The following FAM227A variants were observed in gnomAD, a reference collection of about 807,000 sequenced individuals.
The protein encoded by FAM227A is protein FAM227A.
FAM227A carries 80 observed loss-of-function variants against 74.7 expected under a neutral mutation model. That is an observed-to-expected ratio of 1.07 (90% CI 0.89 to 1.29). FAM227A has a LOEUF of 1.29. FAM227A is among the 50% of genes most tolerant of loss of function. FAM227A has a pLI of 0.00. For synonymous variants in FAM227A, 237 were observed against 241.8 expected (o/e 0.98, Z 0.19); for missense variants, 654 against 683.4 (o/e 0.96, Z 0.48).
intron 11 of FAM227A, among the ~76,000 whole-genome samples, chr22:38,618,750 T>C (rs930483879): frequency 6.6e-6 from 1 of 152,150 alleles, no homozygotes; most frequent in African/African-American, 2.4e-5. Flanking sequence ...GCAAACTTTT[T>C]CTGCAAAAAG....
rs2090700091 is a variant in FAM227A, at chr22:38,580,795, CTT to C, written c.*5328_*5329del. On this transcript the variant is annotated 3_prime_UTR_variant, in exon 17 of 17. Coordinates refer to ENST00000535113, the MANE Select transcript of FAM227A (RefSeq NM_001013647.2). ...CCTCCTTTCCCCTTTCCTTTTTTAT[CTT>C]TGAGACAGTCTCACTCCATCACCTA... 6.6e-6 allele frequency: 1 copy of C among 151,900 alleles called. No homozygotes were observed. The highest frequency in any genetic ancestry group is 2.4e-5 in the African/African-American group (1 of 41,334). 9.4% of individuals were successfully genotyped at this position (151,900 alleles called of 1,614,324 possible).
rs779397566 is a variant in FAM227A, at chr22:38,645,576, G to T, written c.212C>A (p.Ser71Ter). 6.4e-7 allele frequency: 1 copy of T among 1,551,158 alleles called. No individual in the cohort carries two copies. The highest frequency in any genetic ancestry group is 8.7e-7 in the Non-Finnish European group (1 of 1,146,650). Residue 71 changes from serine to a stop codon, truncating the protein, a stop_gained, in exon 3 of 17, where the codon TCG becomes TAG. Transcript: ENST00000535113. LOFTEE classifies it high-confidence loss of function. ...IADINLRTEP[S>*]ANSLAIERFE... ...TAGGTAACTCACCAGGCTGTTGGCC[G>T]ACGGCTCGGTACGCAGATTTATGTC...
At chr22:38,610,915 C>T (rs977240164) in intron 11 of FAM227A, among the ~76,000 whole-genome samples, 4 of 151,904 alleles carry the variant, frequency 2.6e-5, no homozygotes, top group African/African-American at 4.8e-5. Context: ...CAAAAATTAG[C>T]GGGGAGTGGT....
intron 11 of FAM227A, among the ~76,000 whole-genome samples, chr22:38,610,445 G>A (rs1304422057): frequency 2.0e-5 from 3 of 152,214 alleles, no homozygotes; most frequent in South Asian, 2.1e-4. Flanking sequence ...GAGGCAGCTT[G>A]CTGATGCAGA....
intron 6 of FAM227A, 110 bp from the exon 7 acceptor site, chr22:38,629,045 GCC>G (rs2091865606): frequency 7.7e-6 from 5 of 648,530 alleles, no homozygotes; most frequent in Non-Finnish European, 1.3e-5. Context: ...TGTTAGTGAG[GCC>G]CTACCCAGGT....
chr22:38,613,243 A>G (rs1377944133), intron 11 of FAM227A, among the ~76,000 whole-genome samples: 1 of 83,256 alleles, frequency 1.2e-5, no homozygotes, highest in African/African-American at 5.0e-5. Context: ...TATATAATAT[A>G]TAATATATAA....
chr22:38,645,522 C>T (rs2092218634), intron 3 of FAM227A, 41 bp downstream of exon 3: 1 of 1,423,542 alleles, frequency 7.0e-7, no homozygotes, highest in Non-Finnish European at 9.7e-7. Context: ...GGGCCCTTCC[C>T]TGTCAGAAGC....
At position 38,584,920 on chromosome 22, in the gene FAM227A, C is replaced by T. The variant is rs978488478; in HGVS notation, c.*1205G>A. The T allele has an allele frequency of 2.0e-5, 3 of 152,006 alleles. No individual in the cohort carries two copies. The highest frequency in any genetic ancestry group is 4.4e-5 in the Non-Finnish European group (3 of 67,988). The allele number at this position is 152,006 out of a possible 1,614,324, so 9.4% of individuals were successfully genotyped here. A position where few individuals can be genotyped will look rare whatever the true frequency, so the allele number is the denominator to read the frequency against. ...CCAACGATTCTTCTGCCTCAGCCTC[C>T]CGAGTAGCTGGGATTACAGGTGCCC... is the stretch of plus-strand genomic sequence containing the variant. On this transcript the variant is annotated 3_prime_UTR_variant, in exon 17 of 17. Transcript: ENST00000535113.
intron 6 of FAM227A, among the ~76,000 whole-genome samples, chr22:38,634,337 A>G (rs2091965480): frequency 6.6e-6 from 1 of 151,850 alleles, no homozygotes. Context: ...ATTCACTTTT[A>G]TCATCACATT....
At chr22:38,598,076 G>C (rs1167537872) in intron 14 of FAM227A, among the ~76,000 whole-genome samples, 4 of 144,740 alleles carry the variant, frequency 2.8e-5, no homozygotes, top group Non-Finnish European at 4.5e-5. Context: ...TTCTCCCTCT[G>C]CTCTGCCCTC....
intron 8 of FAM227A, among the ~76,000 whole-genome samples, chr22:38,626,828 C>T (rs1487812880): frequency 7.5e-5 from 9 of 119,770 alleles, no homozygotes; most frequent in Non-Finnish European, 1.3e-4. Context: ...GAGCTGCGAC[C>T]GTGCACTCCA....
At chr22:38,604,977 A>AT (rs910438203) in intron 13 of FAM227A, among the ~76,000 whole-genome samples, 1 of 151,728 alleles carries the variant, frequency 6.6e-6, no homozygotes, top group Non-Finnish European at 1.5e-5. Context: ...ATTGTTATTC[A>AT]TTTTTTTACT....
At chr22:38,630,501 C>T (rs1030170050) in intron 6 of FAM227A, among the ~76,000 whole-genome samples, 1 of 152,186 alleles carries the variant, frequency 6.6e-6, no homozygotes, top group Non-Finnish European at 1.5e-5. Context: ...TCACAAAACA[C>T]ATGGAGATGG....
chr22:38,595,179 G>A (rs1287404639), intron 15 of FAM227A, among the ~76,000 whole-genome samples: 2 of 152,152 alleles, frequency 1.3e-5, no homozygotes, highest in African/African-American at 4.8e-5. Flanking sequence ...ATATTTTTCT[G>A]TCCCTCTTAT....
At chr22:38,613,115 A>T (rs1401427714) in intron 11 of FAM227A, among the ~76,000 whole-genome samples, 11 of 89,938 alleles carry the variant, frequency 1.2e-4, no homozygotes, top group African/African-American at 5.7e-4. Flanking sequence ...TTATATATAT[A>T]TTATATATAA....
intron 6 of FAM227A, among the ~76,000 whole-genome samples, chr22:38,636,133 T>A (rs893610361): frequency 1.3e-5 from 2 of 150,196 alleles, no homozygotes; most frequent in Admixed American, 1.3e-4. Flanking sequence ...AAAGAGAGAT[T>A]AAGCATACTC....
intron 16 of FAM227A, among the ~76,000 whole-genome samples, chr22:38,589,691 A>T (rs775375417): frequency 2.0e-5 from 3 of 152,264 alleles, no homozygotes; most frequent in Non-Finnish European, 4.4e-5. Context: ...AGCCATAGGA[A>T]TCAGAATAGC....
Position 38,613,918 on chromosome 22 carries a change from C to G in FAM227A, c.1038+6294G>C, listed in dbSNP as rs141460011. On this transcript the variant is annotated intron_variant, in intron 11 of 16. Coordinates refer to ENST00000535113, the MANE Select transcript of FAM227A (RefSeq NM_001013647.2). ...ACAGGGTCTCGCTCTACTGCCCAGG[C>G]TGGAGTGCAGGGGTGCGATCTCAGC... is the stretch of plus-strand genomic sequence containing the variant. Among the ~76,000 whole-genome samples the G allele has an allele frequency of 3.3e-5, 5 of 152,268 alleles. No individual in the cohort carries two copies. The East Asian group carries it at 9.7e-4, about 29-fold the overall frequency.
At chr22:38,611,928 T>C (rs1488605419) in intron 11 of FAM227A, among the ~76,000 whole-genome samples, 1 of 152,184 alleles carries the variant, frequency 6.6e-6, no homozygotes, top group African/African-American at 2.4e-5. Flanking sequence ...AACCCTACGC[T>C]GTCCATCTCA....
Sources: allele counts gnomAD v4.1 joint callset (sites outside exome capture counted in the v4.1 genomes callset), GRCh38; gene constraint gnomAD v4.1.1; transcripts MANE v1.5; gene names NCBI Gene and HGNC (gene_info 2026-07-23, HGNC 2026-07-21).